POLN: variants seen among roughly 807,000 people sequenced by gnomAD.
POLN encodes the protein DNA polymerase N.
A neutral mutation model predicts 113.5 loss-of-function variants in POLN; 108 were observed. The observed-to-expected ratio is 0.95, with a 90% CI of 0.81 to 1.12. The LOEUF is 1.12. POLN is among the 50% of genes most tolerant of loss of function. The probability of loss-of-function intolerance (pLI) is 0.00; values close to 1 mark genes in which losing one functional copy is unlikely to be tolerated. For synonymous variants in POLN, 386 were observed against 391.5 expected (o/e 0.99, Z 0.17); for missense variants, 1,097 against 1,077.1 (o/e 1.02, Z -0.26).
intron 19 of POLN, among the ~76,000 whole-genome samples, chr4:2,099,635 G>A (rs1730876592): frequency 2.0e-5 from 3 of 152,178 alleles, no homozygotes. Context: ...GCAGAAAGGG[G>A]ACAGCAGGGA....
At chr4:2,080,744 G>A (rs1327217492) in intron 23 of POLN, 5 of 1,434,500 alleles carry the variant, frequency 3.5e-6, no homozygotes, top group African/African-American at 1.4e-5. Flanking sequence ...GTCTGGAGAG[G>A]CCTCATCTGC....
At chr4:2,103,446 G>T (rs1195569087) in intron 19 of POLN, among the ~76,000 whole-genome samples, 1 of 152,096 alleles carries the variant, frequency 6.6e-6, no homozygotes, top group Non-Finnish European at 1.5e-5. Context: ...CAAAGCCTTT[G>T]AGATGTTTGG....
At chr4:2,186,758 A>G (rs947912295) in intron 7 of POLN, among the ~76,000 whole-genome samples, 5 of 152,216 alleles carry the variant, frequency 3.3e-5, no homozygotes, top group Middle Eastern at 3.2e-3. Flanking sequence ...GACATTCTCA[A>G]ACCAGACAAA....
chr4:2,215,759 T>C (rs1319429950), intron 3 of POLN, among the ~76,000 whole-genome samples: 2 of 152,186 alleles, frequency 1.3e-5, no homozygotes, highest in Non-Finnish European at 2.9e-5. Context: ...GCAGCTCCTG[T>C]AGGATTCTGG....
intron 15 of POLN, 65 bp downstream of exon 15, chr4:2,157,793 T>A: frequency 1.1e-6 from 1 of 940,832 alleles, no homozygotes; most frequent in Non-Finnish European, 1.6e-6. Flanking sequence ...AAAGGTTCTA[T>A]ATGTATCTGA....
At chr4:2,117,009 A>G (rs1731331429) in intron 19 of POLN, among the ~76,000 whole-genome samples, 1 of 152,244 alleles carries the variant, frequency 6.6e-6, no homozygotes. Context: ...AGGACAGCCT[A>G]AGTTATGCTC....
intron 16 of POLN, among the ~76,000 whole-genome samples, chr4:2,150,369 AG>A (rs1732262053): frequency 6.6e-6 from 1 of 152,140 alleles, no homozygotes; most frequent in Non-Finnish European, 1.5e-5. Context: ...GGGATAAAAA[AG>A]GTTATTTTAT....
chr4:2,240,264 T>G (rs1209351145), intron 2 of POLN: 1 of 1,613,694 alleles, frequency 6.2e-7, no homozygotes, highest in Non-Finnish European at 8.5e-7. Context: ...TTCAACTACT[T>G]CATGTATACC....
intron 3 of POLN, among the ~76,000 whole-genome samples, chr4:2,221,511 C>A (rs1734251836): frequency 6.6e-6 from 1 of 152,208 alleles, no homozygotes; most frequent in South Asian, 2.1e-4. Flanking sequence ...TACAGATTCA[C>A]TAAATTGTGT....
chr4:2,121,391 C>A (rs527945590), intron 19 of POLN, among the ~76,000 whole-genome samples: 1 of 149,656 alleles, frequency 6.7e-6, no homozygotes. Flanking sequence ...GCCAAGATTG[C>A]GCCACTACAC....
At chr4:2,172,355 A>G (rs1042146154) in intron 11 of POLN, among the ~76,000 whole-genome samples, 13 of 152,028 alleles carry the variant, frequency 8.6e-5, no homozygotes, top group African/African-American at 3.1e-4. Flanking sequence ...GCGACAACCA[A>G]TGAGCTCAAC....
chr4:2,106,843 G>A (rs1002551327), intron 19 of POLN, among the ~76,000 whole-genome samples: 62 of 151,756 alleles, frequency 4.1e-4, no homozygotes, highest in African/African-American at 1.4e-3. Flanking sequence ...CTTTTTTAGT[G>A]CTCCTCTTAA....
At chr4:2,154,905 A>G (rs1396642002) in intron 16 of POLN, among the ~76,000 whole-genome samples, 2 of 152,246 alleles carry the variant, frequency 1.3e-5, no homozygotes, top group African/African-American at 4.8e-5. Context: ...TTATGTTTAC[A>G]TCTCATCTTT....
In POLN at chr4:2,207,953, A is replaced by T. The variant is rs141188405; in HGVS notation, c.714+34T>A. On this transcript the variant is annotated intron_variant, in intron 5 of 25. Transcript: ENST00000511885. The stretch of plus-strand genomic sequence containing the variant: ...GAAAATGGGCTTCTTTTATGGTGTC[A>T]AGACAGCAAATAAAAACATCACTGT... 3.6e-4 allele frequency: 551 copies of T among 1,547,738 alleles called. 2 individuals are homozygous for T. In the African/African-American group the frequency reaches 6.9e-3, roughly 20 times the overall value.
Position 2,072,131 on chromosome 4 carries a change from G to A in POLN, c.2686C>T (p.Pro896Ser). 6.2e-7 allele frequency: 1 copy of A among 1,611,662 alleles called. No homozygotes were observed. Among genetic ancestry groups the A allele is most frequent in the Non-Finnish European group, 8.5e-7 (1 of 1,178,916 alleles). ...GCCTGGGGCTACAGACAAAATGAAG[G>A]CGAAAAATGCAGGGGTGGGGGCTGG... ...STQPPPLHFS[P>S]SFCL The change falls in exon 26 of 26, where the codon CCT (proline) becomes TCT (serine). Residue 896 changes from proline (P) to serine (S), a missense_variant. Coordinates refer to ENST00000511885, the MANE Select transcript of POLN (RefSeq NM_181808.4).
intron 8 of POLN, among the ~76,000 whole-genome samples, chr4:2,177,943 G>C (rs28623714): frequency 0.25 from 37,583 of 152,196 alleles, 7,180 homozygotes; most frequent in African/African-American, 0.52. Context: ...TCAGGGCTGC[G>C]TGGCTCCTGT....
intron 1 of POLN, 124 bp from the exon 2 acceptor site, chr4:2,241,914 C>CG (rs1735004428): frequency 2.0e-6 from 2 of 985,390 alleles, no homozygotes; most frequent in African/African-American, 3.5e-5. Context: ...CCCTGATCCC[C>CG]GGGCAGCTGC....
chr4:2,240,140 G>A (rs1734918874), intron 2 of POLN: 1 of 1,613,580 alleles, frequency 6.2e-7, no homozygotes, highest in Non-Finnish European at 8.5e-7. Flanking sequence ...GAGCACAAAT[G>A]TATGCGAGCT....
chr4:2,091,475 C>T (rs1730661366), intron 20 of POLN, among the ~76,000 whole-genome samples: 1 of 152,124 alleles, frequency 6.6e-6, no homozygotes, highest in Non-Finnish European at 1.5e-5. Flanking sequence ...TCCTTGGACA[C>T]CCTTAGCAGT....
Sources: gnomAD v4.1 joint callset for allele counts (sites outside exome capture counted in the v4.1 genomes callset) on GRCh38, gnomAD v4.1.1 for gene constraint, MANE v1.5 for transcripts, NCBI Gene and HGNC (gene_info 2026-07-23, HGNC 2026-07-21) for gene names.